Variants in SERPINI1 observed in about 807,000 individuals in gnomAD.
SERPINI1 encodes the protein serpin family I member 1, also known as neuroserpin.
Under a neutral mutation model 41.1 loss-of-function variants are expected in SERPINI1, and 19 were observed. That is an observed-to-expected ratio of 0.46 (90% confidence interval 0.32 to 0.68). SERPINI1 has a LOEUF of 0.68. SERPINI1 is among the 30% of genes least tolerant of loss of function. The probability of loss-of-function intolerance (pLI) is 0.03; values close to 1 mark genes in which losing one functional copy is unlikely to be tolerated. For synonymous variants in SERPINI1, 138 were observed against 156.6 expected (o/e 0.88, Z 0.89); for missense variants, 460 against 479.2 (o/e 0.96, Z 0.37).
chr3:167,777,565 CT>C (rs965748497), intron 1 of SERPINI1, among the ~76,000 whole-genome samples: 14 of 152,150 alleles, frequency 9.2e-5, no homozygotes, highest in African/African-American at 3.4e-4. Flanking sequence ...AGCCCAAAAG[CT>C]TTTTGGAAGT....
Position 167,790,485 on chromosome 3 carries a change from G to A in SERPINI1, c.364G>A (p.Glu122Lys), listed in dbSNP as rs1727468427. 1.9e-6 allele frequency: 3 copies of A among 1,613,982 alleles called. No homozygotes were observed. The highest frequency in any genetic ancestry group is 2.5e-6 in the Non-Finnish European group (3 of 1,179,868). Residue 122 changes from glutamate (E) to lysine (K), a missense_variant, in exon 3 of 9, where the codon GAG becomes AAG. Glu to Lys is a moderately conservative substitution (Grantham distance 56). Transcript: ENST00000446050. ...LFVQNGFHVN[E>K]EFLQMMKKYF... ...TGTGCAAAATGGATTTCATGTCAAT[G>A]AGGAGTTTTTGCAAATGATGAAAAA...
chr3:167,811,743 G>A (rs1033431611), intron 6 of SERPINI1, among the ~76,000 whole-genome samples: 3 of 151,976 alleles, frequency 2.0e-5, no homozygotes, highest in South Asian at 2.1e-4. Context: ...TAGGCCAGGC[G>A]CAGTGACTCA....
intron 1 of SERPINI1, among the ~76,000 whole-genome samples, chr3:167,761,063 C>T (rs996663421): frequency 1.3e-5 from 2 of 152,134 alleles, no homozygotes; most frequent in African/African-American, 2.4e-5. Flanking sequence ...AGGGAGAAAA[C>T]AGTGCCTCAT....
chr3:167,816,875 A>C (rs1712109901), intron 6 of SERPINI1, among the ~76,000 whole-genome samples: 1 of 152,090 alleles, frequency 6.6e-6, no homozygotes, highest in African/African-American at 2.4e-5. Context: ...TACAGAAATG[A>C]CAAAGCGTGC....
Position 167,823,070 on chromosome 3 carries a change from CA to C in SERPINI1, c.1065del (p.Gly356GlufsTer2). The C allele has an allele frequency of 6.3e-7, 1 of 1,593,030 alleles. No individual in the cohort carries two copies. The highest frequency in any genetic ancestry group is 8.6e-7 in the Non-Finnish European group (1 of 1,160,934). On this transcript the variant is annotated frameshift_variant and splice_region_variant, in exon 7 of 9. Transcript: ENST00000446050. LOFTEE classifies it high-confidence loss of function. ...NEEGSEAAAV[S>X]GMIAISRMAV... is the part of the protein sequence containing the mutation. ...GAAGGCTCAGAAGCTGCTGCTGTCT[CA>C]GGTACTGTTTGCTAGAATCTTCTCC...
chr3:167,805,625 C>T (rs1711604140), intron 5 of SERPINI1, among the ~76,000 whole-genome samples: 1 of 152,114 alleles, frequency 6.6e-6, no homozygotes, highest in South Asian at 2.1e-4. Flanking sequence ...ATGCCTATGT[C>T]CTGAATGGTA....
chr3:167,742,079 T>A (rs796457603), intron 1 of SERPINI1, among the ~76,000 whole-genome samples: 3 of 149,250 alleles, frequency 2.0e-5, no homozygotes, highest in African/African-American at 7.7e-5. Flanking sequence ...ATTTAAAAAA[T>A]AAATAAGGAA....
At chr3:167,755,908 G>A (rs1014079959) in intron 1 of SERPINI1, among the ~76,000 whole-genome samples, 3 of 150,694 alleles carry the variant, frequency 2.0e-5, no homozygotes, top group African/African-American at 7.4e-5. Context: ...TAGGGGACCA[G>A]GCCGCTGACT....
chr3:167,786,047 C>T (rs1370588360), intron 1 of SERPINI1, among the ~76,000 whole-genome samples: 4 of 152,192 alleles, frequency 2.6e-5, no homozygotes, highest in East Asian at 1.9e-4. Context: ...TATGGTATTA[C>T]GTAGCTCCTC....
chr3:167,811,707 A>G (rs557298564), intron 6 of SERPINI1, among the ~76,000 whole-genome samples: 2 of 152,218 alleles, frequency 1.3e-5, no homozygotes, highest in South Asian at 4.1e-4. Flanking sequence ...TAAAAATTAG[A>G]AAAAACTTTT....
At chr3:167,792,444 G>T in intron 3 of SERPINI1, 146 bp from the exon 4 acceptor site, 1 of 618,552 alleles carries the variant, frequency 1.6e-6, no homozygotes, top group Non-Finnish European at 2.8e-6. Flanking sequence ...TTTCCCTTTG[G>T]AAGTAAGATA....
intron 1 of SERPINI1, among the ~76,000 whole-genome samples, chr3:167,776,696 C>T (rs112724955): frequency 0.015 from 2,270 of 152,300 alleles, 51 homozygotes; most frequent in African/African-American, 0.05. Flanking sequence ...AGGCACTAGC[C>T]ACATGTGACT....
At chr3:167,754,297 C>T (rs1203891338) in intron 1 of SERPINI1, among the ~76,000 whole-genome samples, 1 of 152,122 alleles carries the variant, frequency 6.6e-6, no homozygotes, top group Non-Finnish European at 1.5e-5. Context: ...CACAGCTAGA[C>T]CCTGGGCTAC....
rs1711680025 is a variant in SERPINI1, at chr3:167,807,243, G to C, written c.882-1G>C. On this transcript the variant is annotated splice_acceptor_variant, in intron 5 of 8. Coordinates refer to ENST00000446050, the MANE Select transcript of SERPINI1 (RefSeq NM_001122752.2). LOFTEE classifies it high-confidence loss of function. ...TATTTTTCTCCCTATGTGTTCTCCA[G>C]GTTCACAGTGGAACAGGAAATTGAT... is the stretch of plus-strand genomic sequence containing the variant. 6.2e-7 allele frequency: 1 copy of C among 1,605,454 alleles called. No homozygotes were observed.
At chr3:167,756,679 T>C (rs1390139112) in intron 1 of SERPINI1, among the ~76,000 whole-genome samples, 8 of 152,052 alleles carry the variant, frequency 5.3e-5, no homozygotes, top group Non-Finnish European at 1.2e-4. Context: ...TAAGTCATCT[T>C]TTTTTTTGAA....
chr3:167,794,689 A>T lies in SERPINI1; in HGVS notation c.746A>T (p.Asp249Val). ...GTCCTAGAAATACCATATGAAGGAGATGAAATAAGCATGATGCTGGTGCTG... is the reference window on the plus strand; with the variant it reads ...GTCCTAGAAATACCATATGAAGGAGTTGAAATAAGCATGATGCTGGTGCTG... ...YQVLEIPYEG[D>V]EISMMLVLSR... Residue 249 changes from aspartate to valine, a missense_variant, in exon 5 of 9, where the codon GAT (aspartate) becomes GTT (valine). Transcript: ENST00000446050. 6.2e-7 allele frequency: 1 copy of T among 1,613,656 alleles called. No individual in the cohort carries two copies.
chr3:167,824,668 A>G (rs1712455301), intron 8 of SERPINI1, 106 bp downstream of exon 8: 1 of 666,026 alleles, frequency 1.5e-6, no homozygotes, highest in Non-Finnish European at 2.6e-6. Flanking sequence ...TCTTTTCACA[A>G]TTTTATTTAT....
At chr3:167,748,897 A>G (rs1391842047) in intron 1 of SERPINI1, among the ~76,000 whole-genome samples, 1 of 151,932 alleles carries the variant, frequency 6.6e-6, no homozygotes. Flanking sequence ...CTCTGTAGGC[A>G]TTTGGGTTTG....
chr3:167,790,902 C>T (rs554977170), intron 3 of SERPINI1, among the ~76,000 whole-genome samples: 11 of 152,046 alleles, frequency 7.2e-5, no homozygotes, highest in East Asian at 3.9e-4. Context: ...TTTTGCTTGT[C>T]CTATTTAATA....
Sources: gnomAD v4.1 joint callset for allele counts (sites outside exome capture counted in the v4.1 genomes callset) on GRCh38, gnomAD v4.1.1 for gene constraint, MANE v1.5 for transcripts, NCBI Gene and HGNC (gene_info 2026-07-23, HGNC 2026-07-21) for gene names.